PIGL: variants seen among roughly 807,000 people sequenced by gnomAD.
PIGL encodes the protein phosphatidylinositol glycan anchor biosynthesis class L.
PIGL carries 22 observed loss-of-function variants against 31.1 expected under a neutral mutation model. The observed-to-expected ratio is 0.71, with a 90% CI of 0.51 to 1.01. PIGL has a LOEUF of 1.01. Ranked by LOEUF, PIGL falls within the 50% of genes least tolerant of loss-of-function variation. PIGL has a pLI of 0.00. For synonymous variants in PIGL, 131 were observed against 117.4 expected, an observed-to-expected ratio of 1.12 and a Z score of -0.75; for missense variants, 302 against 315.9, an observed-to-expected ratio of 0.96 and a Z score of 0.33.
chr17:16,239,863 T>C (rs1316210155), intron 2 of PIGL, among the ~76,000 whole-genome samples: 1 of 152,108 alleles, frequency 6.6e-6, no homozygotes, highest in Non-Finnish European at 1.5e-5. Flanking sequence ...CTTAGCTCAC[T>C]GCAGCCTTGA....
intron 2 of PIGL, among the ~76,000 whole-genome samples, chr17:16,254,010 A>G (rs1459063665): frequency 6.6e-6 from 1 of 151,786 alleles, no homozygotes. Context: ...CTCCCAGTCC[A>G]TATTTAAGCT....
rs529702953 is a variant in PIGL at position 16,268,763 on chromosome 17, C to T, written c.336-31125C>T. Among the ~76,000 whole-genome samples, 6 of 150,176 alleles carry T rather than the reference C, an allele frequency of 4.0e-5. No homozygotes were observed. In the East Asian group the frequency reaches 1.2e-3, roughly 30 times the overall value. On this transcript the variant is annotated intron_variant, in intron 2 of 6. Transcript: ENST00000225609. ...CTGCGCCTGGCGTTTTTTTGTTGTT[C>T]TTGTTATTTGTTTTTTTAGATGGGA...
intron 2 of PIGL, among the ~76,000 whole-genome samples, chr17:16,260,899 C>CAGG (rs1193969839): frequency 3.9e-5 from 6 of 152,038 alleles, no homozygotes; most frequent in Admixed American, 3.9e-4. Context: ...GTGGGCAGAT[C>CAGG]AGGAGGTCAG....
chr17:16,257,136 A>T (rs781436261), intron 2 of PIGL, among the ~76,000 whole-genome samples: 11 of 151,664 alleles, frequency 7.3e-5, no homozygotes, highest in Non-Finnish European at 1.2e-4. Flanking sequence ...CAAACAACAG[A>T]CCAGGCACGG....
At chr17:16,313,277 T>C (rs2093062601) in intron 3 of PIGL, among the ~76,000 whole-genome samples, 1 of 152,180 alleles carries the variant, frequency 6.6e-6, no homozygotes, top group Admixed American at 6.5e-5. Flanking sequence ...ACAAAGATAT[T>C]CTGAACCCAA....
At chr17:16,243,494 T>C (rs1407119320) in intron 2 of PIGL, among the ~76,000 whole-genome samples, 1 of 152,248 alleles carries the variant, frequency 6.6e-6, no homozygotes, top group Non-Finnish European at 1.5e-5. Context: ...ACTTGCTTCA[T>C]GGTAAACTAC....
chr17:16,258,183 TC>T (rs1459224175), intron 2 of PIGL, among the ~76,000 whole-genome samples: 8 of 145,624 alleles, frequency 5.5e-5, no homozygotes, highest in African/African-American at 7.5e-5. Flanking sequence ...ACTTTTTTTT[TC>T]TTTTTTTTTT....
chr17:16,217,234 C>A lies in PIGL; in HGVS notation c.8C>A (p.Ala3Glu). The A allele has an allele frequency of 2.5e-6, 4 of 1,613,986 alleles. No homozygotes were observed. Among genetic ancestry groups the A allele is most frequent in the East Asian group, 2.2e-5 (1 of 44,884 alleles). ...CAGTGCTGCTTACCCATCATGGAAG[C>A]AATGTGGCTCCTGTGTGTGGCGTTG... MEAMWLLCVALAV... is the reference protein window; with the variant it reads MEEMWLLCVALAV... The change falls in exon 1 of 7, where the codon GCA (alanine) becomes GAA (glutamate). Residue 3 changes from alanine (A) to glutamate (E), a missense_variant. Ala to Glu is a moderately radical substitution (Grantham distance 107). Coordinates refer to ENST00000225609, the MANE Select transcript of PIGL (RefSeq NM_004278.4).
At chr17:16,324,546 A>G (rs1336392249) in intron 6 of PIGL, among the ~76,000 whole-genome samples, 1 of 151,842 alleles carries the variant, frequency 6.6e-6, no homozygotes, top group Non-Finnish European at 1.5e-5. Flanking sequence ...TTTAGTAGAG[A>G]CAGAGTTTCT....
In PIGL at chr17:16,317,476, C is replaced by T. The variant is rs1401577096; in HGVS notation, c.527-299C>T. On this transcript the variant is annotated intron_variant, in intron 5 of 6. Coordinates refer to ENST00000225609, the MANE Select transcript of PIGL (RefSeq NM_004278.4). ...AAACTCCCAATACAGTAATTCCTGT[C>T]TCCTTTACTTCCTTTGGCTTTGAGG... is the stretch of plus-strand genomic sequence containing the variant. The T allele has an allele frequency of 2.7e-6, 3 of 1,116,128 alleles. No homozygotes were observed. In the Admixed American group the frequency reaches 1.2e-4, roughly 46 times the overall value. The allele number at this position is 1,116,128 out of a possible 1,614,324, so 69.1% of individuals were successfully genotyped here. A position where few individuals can be genotyped will look rare whatever the true frequency, so the allele number is the denominator to read the frequency against.
intron 2 of PIGL, among the ~76,000 whole-genome samples, chr17:16,268,857 G>T (rs938593181): frequency 4.6e-5 from 7 of 151,250 alleles, no homozygotes; most frequent in African/African-American, 1.7e-4. Context: ...CTGCCTCCAG[G>T]ATTCAAGCAA....
At chr17:16,311,467 C>CTTTTTTTTTTTTTTTTTTTTTTTTTTTT in intron 3 of PIGL, among the ~76,000 whole-genome samples, 204 of 18,956 alleles carry the variant, frequency 0.011, 76 homozygotes, top group Non-Finnish European at 0.012. Context: ...GGTTTTCTTT[C>CTTTTTTTTTTTTTTTTTTTTTTTTTTTT]TTTTTTTTTT....
intron 2 of PIGL, among the ~76,000 whole-genome samples, chr17:16,236,537 C>T (rs1251320719): frequency 6.6e-6 from 1 of 152,124 alleles, no homozygotes; most frequent in African/African-American, 2.4e-5. Flanking sequence ...GAGTCCATAA[C>T]CAGCATAGTA....
chr17:16,217,646 A>ATCTACACGTCCAATCT, intron 1 of PIGL, 185 bp downstream of exon 1: 1 of 511,626 alleles, frequency 2.0e-6, no homozygotes. Flanking sequence ...GGGTTGGGGG[A>ATCTACACGTCCAATCT]CGTCGGCAGC....
At chr17:16,218,809 G>C (rs1464306932) in intron 1 of PIGL, among the ~76,000 whole-genome samples, 2 of 150,920 alleles carry the variant, frequency 1.3e-5, no homozygotes, top group Non-Finnish European at 1.5e-5. Flanking sequence ...CTGCCAAGTA[G>C]CTGGGTTTAC....
rs117750526 is a variant in PIGL, at chr17:16,264,424, G to C, written c.335+30354G>C. On this transcript the variant is annotated intron_variant, in intron 2 of 6. Coordinates refer to ENST00000225609, the MANE Select transcript of PIGL (RefSeq NM_004278.4). ...GCCTCCCAAAGTTCTGAGATTACAG[G>C]TGTGAACCACCACACATGGCCTATA... Among the ~76,000 whole-genome samples, 137 of 151,970 alleles carry C rather than the reference G, an allele frequency of 9.0e-4. 3 individuals are homozygous for C. In the East Asian group the frequency reaches 0.024, roughly 26 times the overall value.
intron 2 of PIGL, among the ~76,000 whole-genome samples, chr17:16,268,400 TA>T (rs2092854756): frequency 6.6e-6 from 1 of 152,212 alleles, no homozygotes; most frequent in Non-Finnish European, 1.5e-5. Context: ...ACTAGCAGCC[TA>T]ATAATTATCA....
chr17:16,303,453 G>A (rs1052496558), intron 3 of PIGL, among the ~76,000 whole-genome samples: 8 of 152,084 alleles, frequency 5.3e-5, no homozygotes, highest in Admixed American at 1.3e-4. Flanking sequence ...CAAGTGAGTC[G>A]ACTTTTATTG....
intron 2 of PIGL, among the ~76,000 whole-genome samples, chr17:16,291,190 G>C (rs2092958584): frequency 6.6e-6 from 1 of 152,144 alleles, no homozygotes; most frequent in African/African-American, 2.4e-5. Flanking sequence ...CTTTTAACCA[G>C]TTCTTTCCAA....
Sources: gnomAD v4.1 joint callset for allele counts (sites outside exome capture counted in the v4.1 genomes callset) on GRCh38, gnomAD v4.1.1 for gene constraint, MANE v1.5 for transcripts, NCBI Gene and HGNC (gene_info 2026-07-23, HGNC 2026-07-21) for gene names.